The following CCSER2 variants were observed in gnomAD, a reference collection of about 807,000 sequenced individuals.
CCSER2 encodes coiled-coil serine rich protein 2.
Under a neutral mutation model 92.3 loss-of-function variants are expected in CCSER2, and 46 were observed. The ratio of observed to expected loss-of-function variants is 0.50; its 90% CI spans 0.39 to 0.64. The LOEUF (loss-of-function observed/expected upper bound fraction) is 0.64. Among genes scored for constraint, CCSER2 ranks in the 30% least tolerant of loss-of-function variants. CCSER2 has a pLI of 0.00. For synonymous variants in CCSER2, 433 were observed against 431.4 expected, an observed-to-expected ratio of 1.00 and a Z score of -0.04; for missense variants, 1,244 against 1,238.9, an observed-to-expected ratio of 1.00 and a Z score of -0.06.
intron 1 of CCSER2, among the ~76,000 whole-genome samples, chr10:84,362,403 T>C (rs1328977054): frequency 6.6e-6 from 1 of 152,240 alleles, no homozygotes; most frequent in Non-Finnish European, 1.5e-5. Flanking sequence ...GACATTTGCA[T>C]GCCCCACAGG....
intron 9 of CCSER2, among the ~76,000 whole-genome samples, chr10:84,508,964 CTTG>C (rs1564735819): frequency 6.6e-6 from 1 of 152,116 alleles, no homozygotes; most frequent in South Asian, 2.1e-4. Flanking sequence ...TAGCTGAATG[CTTG>C]TTAAGATACT....
At chr10:84,474,566 CAGG>C (rs949458948) in intron 8 of CCSER2, among the ~76,000 whole-genome samples, 4 of 146,330 alleles carry the variant, frequency 2.7e-5, no homozygotes, top group African/African-American at 1.0e-4. Context: ...GAGGCTGAGA[CAGG>C]AGAATCACTT....
chr10:84,470,589 G>A (rs1846732006), intron 8 of CCSER2, 131 bp downstream of exon 8: 1 of 608,888 alleles, frequency 1.6e-6, no homozygotes, highest in Non-Finnish European at 2.4e-6. Context: ...ATTATTTTTA[G>A]ATTATATGCA....
intron 5 of CCSER2, among the ~76,000 whole-genome samples, chr10:84,437,852 A>G (rs1043161184): frequency 2.2e-4 from 33 of 151,856 alleles, no homozygotes; most frequent in African/African-American, 7.7e-4. Flanking sequence ...AACTAGGATT[A>G]CAGGCACGTG....
intron 1 of CCSER2, 24 bp downstream of exon 1, chr10:84,328,832 AGCCGGGGCCGGGGTCGCGGCGGGC>A (rs909829475): frequency 8.0e-5 from 12 of 150,200 alleles, no homozygotes; most frequent in Admixed American, 4.0e-4. Context: ...TCAGGGCCAG[AGCCGGGGCCGGGGTCGCGGCGGGC>A]GCCGGGGGCA....
At chr10:84,400,854 C>G (rs1418426465) in intron 3 of CCSER2, among the ~76,000 whole-genome samples, 2 of 151,954 alleles carry the variant, frequency 1.3e-5, no homozygotes, top group African/African-American at 4.8e-5. Flanking sequence ...GTGGCAGTTG[C>G]AATGAGTGGA....
chr10:84,426,167 C>T (rs1181895898), intron 5 of CCSER2, among the ~76,000 whole-genome samples: 1 of 152,106 alleles, frequency 6.6e-6, no homozygotes, highest in Non-Finnish European at 1.5e-5. Context: ...TTCTAGCTGT[C>T]ATTTGGAAAT....
chr10:84,336,777 C>G (rs1010606234), intron 1 of CCSER2, among the ~76,000 whole-genome samples: 6 of 152,196 alleles, frequency 3.9e-5, no homozygotes, highest in African/African-American at 1.4e-4. Context: ...AAGTAGAACT[C>G]TCAGCTGCTA....
At chr10:84,429,944 G>GT (rs913848943) in intron 5 of CCSER2, among the ~76,000 whole-genome samples, 1 of 151,398 alleles carries the variant, frequency 6.6e-6, no homozygotes, top group Non-Finnish European at 1.5e-5. Context: ...TTGTTGTTGT[G>GT]TTTTTTTGTG....
intron 1 of CCSER2, among the ~76,000 whole-genome samples, chr10:84,342,395 G>C (rs910974589): frequency 6.6e-6 from 1 of 152,154 alleles, no homozygotes. Context: ...TTACTGTTTA[G>C]ATAATTGTAA....
chr10:84,506,531 C>A (rs1301481025), intron 9 of CCSER2, among the ~76,000 whole-genome samples: 1 of 152,194 alleles, frequency 6.6e-6, no homozygotes, highest in Non-Finnish European at 1.5e-5. Flanking sequence ...TGGTGGCTCA[C>A]GCCTGTGATC....
intron 6 of CCSER2, among the ~76,000 whole-genome samples, chr10:84,461,348 T>G (rs1846088305): frequency 6.6e-6 from 1 of 152,218 alleles, no homozygotes; most frequent in Non-Finnish European, 1.5e-5. Context: ...TTTCACCAAA[T>G]TCGGGGTGTG....
intron 6 of CCSER2, among the ~76,000 whole-genome samples, chr10:84,463,722 C>G (rs1846233557): frequency 2.0e-5 from 3 of 152,178 alleles, no homozygotes. Flanking sequence ...ATTATTCTTG[C>G]CGTAGCTCCC....
At chr10:84,363,942 A>G (rs1439984578) in intron 1 of CCSER2, among the ~76,000 whole-genome samples, 1 of 152,208 alleles carries the variant, frequency 6.6e-6, no homozygotes, top group Non-Finnish European at 1.5e-5. Context: ...TATATGGTAT[A>G]CTATCTTGCT....
chr10:84,446,421 A>T (rs1696843396), intron 6 of CCSER2, among the ~76,000 whole-genome samples: 1 of 152,148 alleles, frequency 6.6e-6, no homozygotes, highest in Non-Finnish European at 1.5e-5. Context: ...GTGTGGGGGC[A>T]GTGGGTGTAG....
intron 1 of CCSER2, among the ~76,000 whole-genome samples, chr10:84,334,687 G>T (rs1229718055): frequency 6.6e-6 from 1 of 152,184 alleles, no homozygotes; most frequent in Non-Finnish European, 1.5e-5. Context: ...AAATAATTAA[G>T]AATCTCTGTT....
At chr10:84,419,126 A>G (rs1400864731) in intron 4 of CCSER2, among the ~76,000 whole-genome samples, 1 of 152,224 alleles carries the variant, frequency 6.6e-6, no homozygotes, top group Non-Finnish European at 1.5e-5. Flanking sequence ...GGGAATCTAC[A>G]CTTGACAGCA....
intron 5 of CCSER2, among the ~76,000 whole-genome samples, chr10:84,435,102 C>T (rs1366179033): frequency 6.6e-6 from 1 of 152,100 alleles, no homozygotes; most frequent in Non-Finnish European, 1.5e-5. Context: ...TTTTGAATCT[C>T]ATGGTGGAGG....
At chr10:84,347,757 G>A (rs1442894780) in intron 1 of CCSER2, among the ~76,000 whole-genome samples, 8 of 151,238 alleles carry the variant, frequency 5.3e-5, no homozygotes, top group Non-Finnish European at 7.4e-5. Flanking sequence ...GCTGCCGGGC[G>A]GAGGGGCTCC....
Sources: allele counts gnomAD v4.1 joint callset (sites outside exome capture counted in the v4.1 genomes callset), GRCh38; gene constraint gnomAD v4.1.1; transcripts MANE v1.5; gene names NCBI Gene and HGNC (gene_info 2026-07-23, HGNC 2026-07-21).